Variants in NOL4 observed in about 807,000 individuals in gnomAD.
NOL4 encodes the protein cancer/testis antigen 125.
Under a neutral mutation model 75.9 loss-of-function variants are expected in NOL4, and 17 were observed. The observed-to-expected ratio is 0.22, with a 90% CI of 0.15 to 0.34. The LOEUF (loss-of-function observed/expected upper bound fraction) is 0.34, where lower values mean the gene tolerates loss of function less well. Among genes scored for constraint, NOL4 ranks in the 10% least tolerant of loss-of-function variants. The probability of loss-of-function intolerance (pLI) is 1.00; values close to 1 mark genes in which losing one functional copy is unlikely to be tolerated. For missense variants in NOL4, 614 were observed against 793.5 expected, an observed-to-expected ratio of 0.77 and a Z score of 2.72; for synonymous variants, 292 against 289.9, an observed-to-expected ratio of 1.01 and a Z score of -0.07.
rs146165293 is a variant in NOL4 at position 33,939,235 on chromosome 18, G to T, written c.1542+3830C>A. ...TGATGCCTCTAGCTTTGTCCTTTTT[G>T]CTTAGGATTGTCTTAGCTATATGGG... On this transcript the variant is annotated intron_variant, in intron 9 of 10. Coordinates refer to ENST00000261592, the MANE Select transcript of NOL4 (RefSeq NM_003787.5). 6.6e-5 allele frequency among the ~76,000 whole-genome samples: 10 copies of T among 152,112 alleles called. No homozygotes were observed. In the East Asian group the frequency reaches 1.9e-3, roughly 30 times the overall value.
At chr18:34,118,352 T>TA (rs2145814288) in intron 2 of NOL4, among the ~76,000 whole-genome samples, 1 of 152,308 alleles carries the variant, frequency 6.6e-6, no homozygotes, top group Non-Finnish European at 1.5e-5. Flanking sequence ...GAAATTTTTT[T>TA]ATCTTACTAG....
intron 9 of NOL4, among the ~76,000 whole-genome samples, chr18:33,942,508 C>G (rs927186420): frequency 2.0e-5 from 3 of 151,740 alleles, no homozygotes; most frequent in African/African-American, 7.3e-5. Flanking sequence ...GATATTGAAA[C>G]ATGACATGCA....
chr18:34,193,706 A>G (rs915015105), intron 1 of NOL4, among the ~76,000 whole-genome samples: 1 of 152,200 alleles, frequency 6.6e-6, no homozygotes, highest in Non-Finnish European at 1.5e-5. Flanking sequence ...TAGAACTACC[A>G]TATGATCCAG....
At chr18:34,031,274 C>T (rs1287742091) in intron 5 of NOL4, among the ~76,000 whole-genome samples, 3 of 152,090 alleles carry the variant, frequency 2.0e-5, no homozygotes, top group African/African-American at 7.2e-5. Flanking sequence ...AAACTCTCAG[C>T]GATGAAGACT....
chr18:34,011,063 AT>A lies in NOL4; in HGVS notation c.1056+8254del, dbSNP rs566682468. Among the ~76,000 whole-genome samples the A allele has an allele frequency of 3.3e-3, 503 of 151,826 alleles. 1 individual carries two copies. Among genetic ancestry groups the A allele is most frequent in the Admixed American group, 4.7e-3 (72 of 15,192 alleles). ...TACAGTTAATAATAATTTATTACAT[AT>A]TTTAAAATAACTAAAATAGTGAAAT... On this transcript the variant is annotated intron_variant, in intron 6 of 10. Transcript: ENST00000261592.
intron 9 of NOL4, among the ~76,000 whole-genome samples, chr18:33,913,616 C>T (rs1001248330): frequency 6.6e-6 from 1 of 152,074 alleles, no homozygotes; most frequent in Non-Finnish European, 1.5e-5. Flanking sequence ...ACTTATGTTG[C>T]CATTATGGTA....
chr18:33,916,629 T>C (rs2066737185), intron 9 of NOL4, among the ~76,000 whole-genome samples: 1 of 152,210 alleles, frequency 6.6e-6, no homozygotes. Context: ...GCTTATTTAC[T>C]TTAATGTAAA....
chr18:33,861,934 G>C (rs565024102), intron 10 of NOL4, among the ~76,000 whole-genome samples: 1 of 152,152 alleles, frequency 6.6e-6, no homozygotes, highest in East Asian at 1.9e-4. Context: ...AAGTTCATAT[G>C]GAACCAAAAA....
intron 9 of NOL4, among the ~76,000 whole-genome samples, chr18:33,919,784 C>G (rs1021180985): frequency 1.3e-5 from 2 of 152,172 alleles, no homozygotes; most frequent in Non-Finnish European, 2.9e-5. Flanking sequence ...CACTGGGTAA[C>G]AGCTTTGTCT....
At chr18:33,962,262 A>C (rs1159712284) in intron 6 of NOL4, among the ~76,000 whole-genome samples, 4 of 152,224 alleles carry the variant, frequency 2.6e-5, no homozygotes, top group South Asian at 2.1e-4. Flanking sequence ...CTTAAATTTG[A>C]GTTTCAGTCA....
intron 1 of NOL4, among the ~76,000 whole-genome samples, chr18:34,194,354 A>G (rs535203363): frequency 1.3e-5 from 2 of 152,068 alleles, no homozygotes; most frequent in East Asian, 3.9e-4. Context: ...CAATTGTTAA[A>G]TAAATATTTT....
At chr18:34,135,396 G>A (rs2080845313) in intron 1 of NOL4, among the ~76,000 whole-genome samples, 1 of 151,950 alleles carries the variant, frequency 6.6e-6, no homozygotes, top group Non-Finnish European at 1.5e-5. Context: ...GACAAAATTA[G>A]TAATTAAAAA....
At chr18:33,901,256 G>A (rs534155360) in intron 9 of NOL4, among the ~76,000 whole-genome samples, 4 of 152,058 alleles carry the variant, frequency 2.6e-5, no homozygotes, top group East Asian at 1.9e-4. Context: ...CAAATAAGAC[G>A]AATACAAGAT....
chr18:33,960,346 T>C (rs1251771373), intron 6 of NOL4, among the ~76,000 whole-genome samples: 1 of 152,112 alleles, frequency 6.6e-6, no homozygotes. Flanking sequence ...CTTTCTTTTT[T>C]CAACTTAGGA....
At chr18:34,002,293 C>T (rs1391725445) in intron 6 of NOL4, among the ~76,000 whole-genome samples, 1 of 152,026 alleles carries the variant, frequency 6.6e-6, no homozygotes, top group Non-Finnish European at 1.5e-5. Context: ...GCTCTTGCTG[C>T]ACTGATGTTC....
chr18:33,864,702 C>A (rs2144360487), intron 10 of NOL4, among the ~76,000 whole-genome samples: 1 of 152,200 alleles, frequency 6.6e-6, no homozygotes, highest in African/African-American at 2.4e-5. Flanking sequence ...TCTATGGTAC[C>A]AATTTCCTAT....
chr18:33,877,136 C>G (rs1446118349), intron 10 of NOL4, among the ~76,000 whole-genome samples: 1 of 151,874 alleles, frequency 6.6e-6, no homozygotes, highest in South Asian at 2.1e-4. Context: ...TAATCTGTTA[C>G]TTTTGTTTCA....
chr18:34,165,464 T>C (rs1015397105), intron 1 of NOL4, among the ~76,000 whole-genome samples: 1 of 152,150 alleles, frequency 6.6e-6, no homozygotes, highest in African/African-American at 2.4e-5. Context: ...TTTGTGTATT[T>C]CACATAGCAT....
At chr18:33,865,970 A>C (rs1380825569) in intron 10 of NOL4, among the ~76,000 whole-genome samples, 1 of 151,980 alleles carries the variant, frequency 6.6e-6, no homozygotes. Context: ...TTAAGAAAAT[A>C]CAAAAAGCAA....
Sources: allele counts gnomAD v4.1 joint callset (sites outside exome capture counted in the v4.1 genomes callset), GRCh38; gene constraint gnomAD v4.1.1; transcripts MANE v1.5; gene names NCBI Gene and HGNC (gene_info 2026-07-23, HGNC 2026-07-21).